KHDC1: variants seen among roughly 807,000 people sequenced by gnomAD.
KHDC1 encodes KH domain containing 1.
A neutral mutation model predicts 24.7 loss-of-function variants in KHDC1; 21 were observed. The observed-to-expected ratio is 0.85, with a 90% CI of 0.60 to 1.23. The LOEUF (loss-of-function observed/expected upper bound fraction) is 1.23, where lower values mean the gene tolerates loss of function less well. Among genes scored for constraint, KHDC1 ranks in the 50% most tolerant of loss-of-function variants. KHDC1 has a pLI of 0.00. For missense variants in KHDC1, 274 were observed against 298.5 expected, an observed-to-expected ratio of 0.92 and a Z score of 0.61; for synonymous variants, 98 against 111.7, an observed-to-expected ratio of 0.88 and a Z score of 0.77.
At chr6:73,274,672 T>G (rs1767247459) in intron 2 of KHDC1, 1 of 152,522 alleles carries the variant, frequency 6.6e-6, no homozygotes, top group Admixed American at 6.5e-5. Context: ...GTAAGTTTCC[T>G]GAGGTCTCCG....
intron 2 of KHDC1, among the ~76,000 whole-genome samples, chr6:73,276,869 T>G (rs1263920692): frequency 6.6e-6 from 1 of 152,172 alleles, no homozygotes; most frequent in Non-Finnish European, 1.5e-5. Context: ...TGAGTTATAA[T>G]AAAAAATAAA....
At chr6:73,244,168 C>T (rs1431579496) in intron 2 of KHDC1, among the ~76,000 whole-genome samples, 1 of 152,136 alleles carries the variant, frequency 6.6e-6, no homozygotes, top group Non-Finnish European at 1.5e-5. Context: ...TAGTTTAAAA[C>T]TCACTCCATA....
chr6:73,290,795 C>A, intron 2 of KHDC1: 1 of 335,816 alleles, frequency 3.0e-6, no homozygotes, highest in South Asian at 2.6e-5. Context: ...CTAGGGCTAA[C>A]TATCAGCCTC....
intron 2 of KHDC1, among the ~76,000 whole-genome samples, chr6:73,249,260 G>A (rs142565621): frequency 3.3e-5 from 5 of 151,800 alleles, no homozygotes; most frequent in Admixed American, 2.0e-4. Context: ...CAGCCGAGGC[G>A]ACAGAGTGAA....
At chr6:73,271,989 A>G (rs945193881) in intron 2 of KHDC1, among the ~76,000 whole-genome samples, 1 of 149,890 alleles carries the variant, frequency 6.7e-6, no homozygotes, top group African/African-American at 2.5e-5. Context: ...TCAACTCTTT[A>G]TAGTGTAATC....
intron 2 of KHDC1, among the ~76,000 whole-genome samples, chr6:73,249,480 T>C (rs1766739282): frequency 2.0e-5 from 3 of 152,034 alleles, no homozygotes; most frequent in Non-Finnish European, 4.4e-5. Context: ...GTGCAGTGAG[T>C]TGTCTAATGC....
chr6:73,263,378 C>A (rs981216324), intron 2 of KHDC1, 182 bp from the exon 1 acceptor site: 1 of 708,034 alleles, frequency 1.4e-6, no homozygotes, highest in African/African-American at 1.9e-5. Flanking sequence ...ATGACCCAGA[C>A]CCGGACGACC....
chr6:73,263,204 A>T lies in KHDC1; in HGVS notation c.207-20674T>A. The T allele has an allele frequency of 1.0e-6, 1 of 985,422 alleles. No individual in the cohort carries two copies. Among genetic ancestry groups the T allele is most frequent in the Non-Finnish European group, 1.2e-6 (1 of 830,386 alleles). The allele number at this position is 985,422 out of a possible 1,614,324, so 61.0% of individuals were successfully genotyped here. On this transcript the variant is annotated intron_variant, in intron 2 of 4. Transcript: ENST00000370384. ...GCGCGCTCGAGCGGAAGTGGCGGCGACCCCGCCGGAAGCGCGCGGCTGCGG... is the reference window on the plus strand; with the variant it reads ...GCGCGCTCGAGCGGAAGTGGCGGCGTCCCCGCCGGAAGCGCGCGGCTGCGG...
At chr6:73,251,399 A>G (rs1047486690) in intron 2 of KHDC1, among the ~76,000 whole-genome samples, 4 of 152,222 alleles carry the variant, frequency 2.6e-5, no homozygotes, top group African/African-American at 9.6e-5. Context: ...GGTCCAATAT[A>G]TGTAATAAAA....
chr6:73,258,744 G>A (rs1766926250), intron 2 of KHDC1, among the ~76,000 whole-genome samples: 1 of 152,212 alleles, frequency 6.6e-6, no homozygotes. Context: ...CTATCTCTCA[G>A]CATCAGTTTC....
chr6:73,289,504 G>A (rs1767596418), intron 2 of KHDC1, among the ~76,000 whole-genome samples: 1 of 151,102 alleles, frequency 6.6e-6, no homozygotes, highest in Non-Finnish European at 1.5e-5. Flanking sequence ...ACAAAAATTA[G>A]CCAGGCCATG....
chr6:73,291,449 C>A, intron 2 of KHDC1: 1 of 171,398 alleles, frequency 5.8e-6, no homozygotes, highest in Non-Finnish European at 1.2e-5. Context: ...AATGTTAATC[C>A]TTTTGCACCA....
chr6:73,259,960 AG>A (rs1342679019), intron 2 of KHDC1, among the ~76,000 whole-genome samples: 1 of 152,162 alleles, frequency 6.6e-6, no homozygotes, highest in Non-Finnish European at 1.5e-5. Flanking sequence ...AAAGCTGTCC[AG>A]GGGGTAGGGC....
chr6:73,242,653 G>A, intron 2 of KHDC1, 123 bp from the exon 2 acceptor site: 2 of 1,187,068 alleles, frequency 1.7e-6, no homozygotes, highest in Middle Eastern at 2.0e-4. Context: ...CTACCTTAGG[G>A]TGGGTGTACA....
chr6:73,261,561 G>A (rs1378116375), intron 2 of KHDC1, among the ~76,000 whole-genome samples: 2 of 151,712 alleles, frequency 1.3e-5, no homozygotes, highest in Non-Finnish European at 2.9e-5. Flanking sequence ...CTTGAGCCCA[G>A]GAATTTGAGA....
chr6:73,271,709 C>T (rs925231686), intron 2 of KHDC1, among the ~76,000 whole-genome samples: 10 of 151,346 alleles, frequency 6.6e-5, no homozygotes, highest in African/African-American at 1.5e-4. Flanking sequence ...GCCTGGCCAA[C>T]ATGGTGAAAC....
chr6:73,281,826 G>C (rs2150676816), intron 2 of KHDC1, among the ~76,000 whole-genome samples: 1 of 152,180 alleles, frequency 6.6e-6, no homozygotes, highest in Non-Finnish European at 1.5e-5. Context: ...TAGTCATCAT[G>C]TCTCCTTAGG....
At chr6:73,288,684 GC>G (rs1218251648) in intron 2 of KHDC1, among the ~76,000 whole-genome samples, 3 of 151,838 alleles carry the variant, frequency 2.0e-5, no homozygotes, top group African/African-American at 7.3e-5. Context: ...CTACTCAGGA[GC>G]CAGAGGCAGA....
At chr6:73,260,275 G>A (rs1381730375) in intron 2 of KHDC1, among the ~76,000 whole-genome samples, 1 of 152,082 alleles carries the variant, frequency 6.6e-6, no homozygotes, top group African/African-American at 2.4e-5. Flanking sequence ...AAAAATTAAG[G>A]GGAAGGCTCT....
Sources: gnomAD v4.1 joint callset for allele counts (sites outside exome capture counted in the v4.1 genomes callset) on GRCh38, gnomAD v4.1.1 for gene constraint, MANE v1.5 for transcripts, NCBI Gene and HGNC (gene_info 2026-07-23, HGNC 2026-07-21) for gene names.